The following FARS2 variants were observed in gnomAD, a reference collection of about 807,000 sequenced individuals.
FARS2 encodes phenylalanine--tRNA ligase, mitochondrial.
In FARS2, 40 loss-of-function variants were observed where a neutral mutation model predicts 46.4. The observed-to-expected ratio is 0.86, with a 90% CI of 0.67 to 1.12. FARS2 has a LOEUF of 1.12. Among genes scored for constraint, FARS2 ranks in the 50% most tolerant of loss-of-function variants. FARS2 has a pLI of 0.00. For synonymous variants in FARS2, 234 were observed against 214.9 expected (o/e 1.09, Z -0.78); for missense variants, 513 against 567.9 (o/e 0.90, Z 0.98).
At chr6:5,447,612 A>G (rs1458826029) in intron 4 of FARS2, among the ~76,000 whole-genome samples, 1 of 152,186 alleles carries the variant, frequency 6.6e-6, no homozygotes, top group Non-Finnish European at 1.5e-5. Context: ...TACAAATGCT[A>G]CTCATCATCC....
At chr6:5,554,845 A>AG (rs1561709388) in intron 5 of FARS2, among the ~76,000 whole-genome samples, 3 of 152,186 alleles carry the variant, frequency 2.0e-5, no homozygotes, top group African/African-American at 7.2e-5. Context: ...TTGAACTAGT[A>AG]AGCTGTTACT....
At chr6:5,485,957 G>T (rs1048644440) in intron 4 of FARS2, among the ~76,000 whole-genome samples, 4 of 152,194 alleles carry the variant, frequency 2.6e-5, no homozygotes, top group African/African-American at 7.2e-5. Context: ...GTTCCGTCGG[G>T]CAGCCCTGCT....
chr6:5,340,728 T>C (rs1771495433), intron 1 of FARS2, among the ~76,000 whole-genome samples: 1 of 152,106 alleles, frequency 6.6e-6, no homozygotes, highest in African/African-American at 2.4e-5. Context: ...CTCCCTTTTG[T>C]TTCCAGTCAA....
chr6:5,494,875 G>C (rs1767356335), intron 4 of FARS2, among the ~76,000 whole-genome samples: 1 of 152,120 alleles, frequency 6.6e-6, no homozygotes, highest in African/African-American at 2.4e-5. Flanking sequence ...ACTAGATGAG[G>C]AAAAAGCAAT....
At chr6:5,608,581 A>G (rs1450423564) in intron 5 of FARS2, among the ~76,000 whole-genome samples, 4 of 151,830 alleles carry the variant, frequency 2.6e-5, no homozygotes, top group African/African-American at 7.3e-5. Flanking sequence ...CTTCATTTCC[A>G]TCTATAATTT....
At chr6:5,496,042 TG>T (rs1293003209) in intron 4 of FARS2, among the ~76,000 whole-genome samples, 1 of 152,218 alleles carries the variant, frequency 6.6e-6, no homozygotes, top group Non-Finnish European at 1.5e-5. Flanking sequence ...CTAGGATCCC[TG>T]CACAACTCTC....
chr6:5,598,178 A>G (rs898926297), intron 5 of FARS2, among the ~76,000 whole-genome samples: 2 of 152,120 alleles, frequency 1.3e-5, no homozygotes, highest in Non-Finnish European at 1.5e-5. Flanking sequence ...CTTGAGGCCA[A>G]AAGTTCAAGA....
chr6:5,568,172 C>G (rs1473646763), intron 5 of FARS2, among the ~76,000 whole-genome samples: 1 of 152,110 alleles, frequency 6.6e-6, no homozygotes, highest in Admixed American at 6.6e-5. Flanking sequence ...CTCTATGTGG[C>G]ATTTTCTTTC....
At chr6:5,389,579 CTT>C (rs1760357843) in intron 2 of FARS2, among the ~76,000 whole-genome samples, 1 of 152,158 alleles carries the variant, frequency 6.6e-6, no homozygotes, top group Admixed American at 6.5e-5. Context: ...TCCCATCAGA[CTT>C]TACCTTTTTG....
chr6:5,748,790 G>A (rs1004115633), intron 6 of FARS2, among the ~76,000 whole-genome samples: 5 of 152,180 alleles, frequency 3.3e-5, no homozygotes, highest in African/African-American at 1.2e-4. Context: ...GCTGCCTGTG[G>A]GCGAATGCTG....
intron 6 of FARS2, among the ~76,000 whole-genome samples, chr6:5,734,434 GTGTCAGGAGGGGCCA>G (rs1760822355): frequency 1.3e-5 from 2 of 152,164 alleles, no homozygotes; most frequent in South Asian, 4.1e-4. Context: ...CAAGGAGAGG[GTGTCAGGAGGGGCCA>G]TGCATCTGTG....
rs139994255 is a variant in FARS2 at position 5,329,709 on chromosome 6, C to T, written c.-21-38841C>T. ...GGTTTCCCAGAACTCAGGAAAGCAT[C>T]GTACTTACTATTAACAGTTTATTAT... On this transcript the variant is annotated intron_variant, in intron 1 of 6. Transcript: ENST00000274680. 1.5e-3 allele frequency among the ~76,000 whole-genome samples: 231 copies of T among 152,282 alleles called. 1 individual carries two copies. The highest frequency in any genetic ancestry group is 5.2e-3 in the African/African-American group (217 of 41,550).
intron 4 of FARS2, among the ~76,000 whole-genome samples, chr6:5,438,239 A>T (rs898981697): frequency 1.9e-4 from 10 of 52,686 alleles, no homozygotes; most frequent in African/African-American, 3.4e-4. Context: ...GCTTCTACCC[A>T]CCCCCCGCCC....
At chr6:5,620,592 T>G (rs1329755013) in intron 6 of FARS2, among the ~76,000 whole-genome samples, 1 of 152,216 alleles carries the variant, frequency 6.6e-6, no homozygotes, top group Non-Finnish European at 1.5e-5. Context: ...TTTCTCACAC[T>G]TATTCTGTCT....
At chr6:5,448,200 G>C (rs1215171452) in intron 4 of FARS2, among the ~76,000 whole-genome samples, 1 of 152,208 alleles carries the variant, frequency 6.6e-6, no homozygotes, top group Non-Finnish European at 1.5e-5. Context: ...TGTGGACTCT[G>C]TGCTGTTGTT....
At chr6:5,363,953 A>G (rs1055105252) in intron 1 of FARS2, among the ~76,000 whole-genome samples, 1 of 152,218 alleles carries the variant, frequency 6.6e-6, no homozygotes, top group Non-Finnish European at 1.5e-5. Context: ...TTTCCAAACT[A>G]TAATATAACT....
chr6:5,556,953 C>T (rs755416905), intron 5 of FARS2, among the ~76,000 whole-genome samples: 3 of 152,096 alleles, frequency 2.0e-5, no homozygotes, highest in Non-Finnish European at 4.4e-5. Flanking sequence ...AGTTTTGGCA[C>T]TCTGTGGAAT....
intron 4 of FARS2, among the ~76,000 whole-genome samples, chr6:5,526,527 A>G (rs186004918): frequency 1.3e-5 from 2 of 152,342 alleles, no homozygotes; most frequent in East Asian, 3.9e-4. Flanking sequence ...CAAGAAATAG[A>G]GCACTATTAA....
rs1015923014 is a variant in FARS2, at chr6:5,630,480, T to A, written c.1217+17160T>A. ...TGTTCATAACTAGAGAATACTTGAT[T>A]TAATGGATTTATGCAAAGGGTTGGT... is the stretch of plus-strand genomic sequence containing the variant. On this transcript the variant is annotated intron_variant, in intron 6 of 6. Coordinates refer to ENST00000274680, the MANE Select transcript of FARS2 (RefSeq NM_006567.5). The surrounding 1 kb of genome is among the most constrained non-coding windows in gnomAD (Gnocchi z 4.2). 6.6e-6 allele frequency among the ~76,000 whole-genome samples: 1 copy of A among 152,344 alleles called. No homozygotes were observed. The highest frequency in any genetic ancestry group is 1.5e-5 in the Non-Finnish European group (1 of 68,038).
Sources: gnomAD v4.1 joint callset for allele counts (sites outside exome capture counted in the v4.1 genomes callset) on GRCh38, gnomAD v4.1.1 for gene constraint, Gnocchi (gnomAD v3.1) non-coding constraint, MANE v1.5 for transcripts, NCBI Gene and HGNC (gene_info 2026-07-23, HGNC 2026-07-21) for gene names.